DNER: variants seen among roughly 807,000 people sequenced by gnomAD.
The protein encoded by DNER is delta/notch like EGF repeat containing, also known as delta and Notch-like epidermal growth factor-related receptor.
A neutral mutation model predicts 78.2 loss-of-function variants in DNER; 33 were observed. The ratio of observed to expected loss-of-function variants is 0.42; its 90% confidence interval spans 0.32 to 0.56. DNER has a LOEUF of 0.56. DNER is among the 20% of genes least tolerant of loss of function. The pLI is 0.11. For synonymous variants in DNER, 417 were observed against 384.8 expected, an observed-to-expected ratio of 1.08 and a Z score of -0.98; for missense variants, 918 against 975.3, an observed-to-expected ratio of 0.94 and a Z score of 0.78.
intron 4 of DNER, among the ~76,000 whole-genome samples, chr2:229,563,569 A>AC (rs1697017077): frequency 8.9e-6 from 1 of 112,606 alleles, no homozygotes; most frequent in South Asian, 2.8e-4. Context: ...CATCATCCTC[A>AC]CCCCATTGCC....
At chr2:229,691,793 A>G (rs1467506233) in intron 1 of DNER, among the ~76,000 whole-genome samples, 1 of 152,222 alleles carries the variant, frequency 6.6e-6, no homozygotes, top group Non-Finnish European at 1.5e-5. Context: ...AGTGGTGGAC[A>G]CATGACTGAG....
intron 5 of DNER, among the ~76,000 whole-genome samples, chr2:229,530,004 TAA>T (rs111787015): frequency 4.8e-5 from 7 of 146,642 alleles, no homozygotes; most frequent in Non-Finnish European, 9.0e-5. Context: ...CTCAAGTCTT[TAA>T]AAAAAAAATG....
chr2:229,668,147 A>G (rs1699126708), intron 1 of DNER, among the ~76,000 whole-genome samples: 1 of 152,142 alleles, frequency 6.6e-6, no homozygotes. Flanking sequence ...CCATTCAGAC[A>G]GGAAGCGCTG....
intron 7 of DNER, among the ~76,000 whole-genome samples, chr2:229,475,067 A>G (rs1383840065): frequency 2.6e-5 from 4 of 152,250 alleles, no homozygotes; most frequent in Non-Finnish European, 4.4e-5. Context: ...AATAGCTACT[A>G]TGAATTCAGC....
At chr2:229,493,343 A>T (rs1314702677) in intron 6 of DNER, among the ~76,000 whole-genome samples, 1 of 152,220 alleles carries the variant, frequency 6.6e-6, no homozygotes, top group African/African-American at 2.4e-5. Flanking sequence ...TCAGAAAAAG[A>T]AATAGCTCCT....
At chr2:229,401,861 C>G (rs1292491422) in intron 10 of DNER, among the ~76,000 whole-genome samples, 1 of 152,036 alleles carries the variant, frequency 6.6e-6, no homozygotes, top group African/African-American at 2.4e-5. Flanking sequence ...AAAATAGACC[C>G]ATATATAATC....
chr2:229,567,237 T>C (rs997372048), intron 4 of DNER, among the ~76,000 whole-genome samples: 2 of 152,236 alleles, frequency 1.3e-5, no homozygotes, highest in African/African-American at 4.8e-5. Context: ...TAGCACAGTG[T>C]GCTGATCACA....
chr2:229,581,332 C>A (rs1180439625), intron 4 of DNER, among the ~76,000 whole-genome samples: 1 of 152,100 alleles, frequency 6.6e-6, no homozygotes, highest in Non-Finnish European at 1.5e-5. Flanking sequence ...TTTGAAAATA[C>A]GAAACATCCA....
At chr2:229,379,625 T>C (rs1422921113) in intron 11 of DNER, among the ~76,000 whole-genome samples, 1 of 152,204 alleles carries the variant, frequency 6.6e-6, no homozygotes, top group Non-Finnish European at 1.5e-5. Flanking sequence ...TTTAAAGTTA[T>C]AAGTAGATAT....
intron 5 of DNER, among the ~76,000 whole-genome samples, chr2:229,518,960 T>TA (rs1321071685): frequency 6.6e-6 from 1 of 151,654 alleles, no homozygotes; most frequent in African/African-American, 2.4e-5. Context: ...ACTCTTTTTT[T>TA]TTTTTTTATT....
chr2:229,646,364 G>T (rs1698719167), intron 1 of DNER, among the ~76,000 whole-genome samples: 1 of 152,196 alleles, frequency 6.6e-6, no homozygotes, highest in Admixed American at 6.5e-5. Context: ...CAGATGGCTT[G>T]CAATGCAAAA....
intron 4 of DNER, among the ~76,000 whole-genome samples, chr2:229,563,816 C>A (rs1293960467): frequency 1.4e-5 from 2 of 139,986 alleles, no homozygotes; most frequent in Admixed American, 7.2e-5. Context: ...AACATCATCA[C>A]CCCATCACCA....
At chr2:229,382,579 T>G (rs1259998607) in intron 11 of DNER, among the ~76,000 whole-genome samples, 1 of 151,926 alleles carries the variant, frequency 6.6e-6, no homozygotes, top group East Asian at 1.9e-4. Flanking sequence ...ATAAATGACC[T>G]GATGGAGCTG....
At chr2:229,516,766 C>G (rs1356715482) in intron 5 of DNER, among the ~76,000 whole-genome samples, 2 of 110,438 alleles carry the variant, frequency 1.8e-5, no homozygotes, top group Non-Finnish European at 3.7e-5. Context: ...GCCTGGGTAA[C>G]AGAATGGGAC....
intron 1 of DNER, among the ~76,000 whole-genome samples, chr2:229,615,050 G>T (rs1698126188): frequency 6.6e-6 from 1 of 152,114 alleles, no homozygotes; most frequent in East Asian, 1.9e-4. Flanking sequence ...GTCAAGGCAG[G>T]GAAGCTGGTG....
intron 11 of DNER, among the ~76,000 whole-genome samples, chr2:229,381,687 C>G (rs894211497): frequency 1.3e-5 from 2 of 152,174 alleles, no homozygotes; most frequent in Non-Finnish European, 2.9e-5. Flanking sequence ...CGGAGCCCAC[C>G]GCAGCACTGC....
intron 7 of DNER, among the ~76,000 whole-genome samples, chr2:229,470,609 G>A (rs1694905342): frequency 6.6e-6 from 1 of 152,202 alleles, no homozygotes; most frequent in African/African-American, 2.4e-5. Context: ...CCGTACTTTG[G>A]GAGGCTGAGG....
At chr2:229,427,220 A>G (rs1178216356) in intron 8 of DNER, among the ~76,000 whole-genome samples, 1 of 152,226 alleles carries the variant, frequency 6.6e-6, no homozygotes, top group Non-Finnish European at 1.5e-5. Context: ...TGGATGATGA[A>G]AAGCCAGCTC....
intron 10 of DNER, among the ~76,000 whole-genome samples, chr2:229,398,291 AT>A (rs1693193821): frequency 6.6e-6 from 1 of 152,124 alleles, no homozygotes; most frequent in African/African-American, 2.4e-5. Flanking sequence ...TCAAAAAAAA[AT>A]CACAACTCAT....
Sources: gnomAD v4.1 joint callset for allele counts (sites outside exome capture counted in the v4.1 genomes callset) on GRCh38, gnomAD v4.1.1 for gene constraint, MANE v1.5 for transcripts, NCBI Gene and HGNC (gene_info 2026-07-23, HGNC 2026-07-21) for gene names.